The following FSBP variants were observed in gnomAD, a reference collection of about 807,000 sequenced individuals.
FSBP encodes the protein fibrinogen silencer-binding protein.
Under a neutral mutation model 24.6 loss-of-function variants are expected in FSBP, and 18 were observed. The ratio of observed to expected loss-of-function variants is 0.73; its 90% CI spans 0.51 to 1.08. The LOEUF (loss-of-function observed/expected upper bound fraction) is 1.08, where lower values mean the gene tolerates loss of function less well. FSBP is among the 50% of genes least tolerant of loss of function. The probability of loss-of-function intolerance (pLI) is 0.00; values close to 1 mark genes in which losing one functional copy is unlikely to be tolerated. For missense variants in FSBP, 305 were observed against 347.6 expected (o/e 0.88, Z 0.98); for synonymous variants, 110 against 125.8 (o/e 0.87, Z 0.84).
At position 94,429,390 on chromosome 8, in the gene FSBP, C is replaced by A; in HGVS notation, c.*2741G>T. 1 of 767,898 alleles carries A rather than the reference C, an allele frequency of 1.3e-6. No homozygotes were observed. Among genetic ancestry groups the A allele is most frequent in the Non-Finnish European group, 1.6e-6 (1 of 631,970 alleles). The allele number at this position is 767,898 out of a possible 1,614,324, so 47.6% of individuals were successfully genotyped here. On this transcript the variant is annotated 3_prime_UTR_variant, in exon 2 of 2. Coordinates refer to ENST00000481490, the MANE Select transcript of FSBP (RefSeq NM_001256141.2). ...CCAAAAATAAAAAAGATGTATACTGCACTTTTTTTTAACACAGATCTCTTT... is the reference window on the plus strand; with the variant it reads ...CCAAAAATAAAAAAGATGTATACTGAACTTTTTTTTAACACAGATCTCTTT...
At chr8:94,435,468 T>C (rs1285011303) in intron 1 of FSBP, among the ~76,000 whole-genome samples, 5 of 152,252 alleles carry the variant, frequency 3.3e-5, no homozygotes, top group Admixed American at 3.3e-4. Flanking sequence ...GCTTATATAA[T>C]GCCTCTTCCA....
chr8:94,434,854 A>G (rs1031481772), intron 1 of FSBP, among the ~76,000 whole-genome samples: 3 of 151,366 alleles, frequency 2.0e-5, no homozygotes, highest in African/African-American at 7.3e-5. Flanking sequence ...AAATCAACTC[A>G]TTTTTATCAG....
rs1416125913 is a variant in FSBP at position 94,429,614 on chromosome 8, C to A, written c.*2517G>T. ...GCTTACTACTGCCAAGATGTGTTTA[C>A]TAGAATTATACTGGGAAACATTACC... On this transcript the variant is annotated 3_prime_UTR_variant, in exon 2 of 2. Coordinates refer to ENST00000481490, the MANE Select transcript of FSBP (RefSeq NM_001256141.2). 2.0e-6 allele frequency: 2 copies of A among 983,368 alleles called. No homozygotes were observed. The highest frequency in any genetic ancestry group is 3.5e-5 in the African/African-American group (2 of 57,114). The allele number at this position is 983,368 out of a possible 1,614,324, so 60.9% of individuals were successfully genotyped here.
In FSBP at chr8:94,432,369, C is replaced by T. The variant is rs193096842; in HGVS notation, c.662G>A (p.Ser221Asn). The change falls in exon 2 of 2, where the codon AGT becomes AAT. Residue 221 changes from serine (S) to asparagine (N), a missense_variant. Coordinates refer to ENST00000481490, the MANE Select transcript of FSBP (RefSeq NM_001256141.2). Reference protein sequence around the residue: ...PRRDDFFRHESGEHFRSLLGY... With the variant: ...PRRDDFFRHENGEHFRSLLGY... The stretch of plus-strand genomic sequence containing the variant: ...TAATAGTGACCTAAAGTGTTCACCA[C>T]TCTCATGCCGAAAAAAATCATCTCT... 111 of 1,550,362 alleles carry T rather than the reference C, an allele frequency of 7.2e-5. 2 individuals are homozygous for T. In the Admixed American group the frequency reaches 2.1e-3, roughly 29 times the overall value.
At chr8:94,435,585 A>G (rs1812233093) in intron 1 of FSBP, among the ~76,000 whole-genome samples, 1 of 152,134 alleles carries the variant, frequency 6.6e-6, no homozygotes, top group African/African-American at 2.4e-5. Context: ...ATAAGAATGT[A>G]GCTGCCATTT....
In FSBP at chr8:94,429,815, A is replaced by ATTAC; in HGVS notation, c.*2315_*2316insGTAA. On this transcript the variant is annotated 3_prime_UTR_variant, in exon 2 of 2. Coordinates refer to ENST00000481490, the MANE Select transcript of FSBP (RefSeq NM_001256141.2). ...CCCTCTTTTTAATCCAACCAATGAAATTAAGTAGTCAACATGCTAAAATAG... is the reference window on the plus strand; with the variant it reads ...CCCTCTTTTTAATCCAACCAATGAAATTACTTAAGTAGTCAACATGCTAAAATAG... 1.0e-6 allele frequency: 1 copy of ATTAC among 985,412 alleles called. No homozygotes were observed. Among genetic ancestry groups the ATTAC allele is most frequent in the South Asian group, 4.7e-5 (1 of 21,284 alleles). The allele number at this position is 985,412 out of a possible 1,614,324, so 61.0% of individuals were successfully genotyped here. A position where few individuals can be genotyped will look rare whatever the true frequency, so the allele number is the denominator to read the frequency against.
Position 94,429,183 on chromosome 8 carries a change from T to G in FSBP, c.*2948A>C. 3.5e-6 allele frequency: 3 copies of G among 857,122 alleles called. No homozygotes were observed. Among genetic ancestry groups the G allele is most frequent in the Non-Finnish European group, 4.2e-6 (3 of 713,158 alleles). The allele number at this position is 857,122 out of a possible 1,614,324, so 53.1% of individuals were successfully genotyped here. A position where few individuals can be genotyped will look rare whatever the true frequency, so the allele number is the denominator to read the frequency against. On this transcript the variant is annotated 3_prime_UTR_variant, in exon 2 of 2. Transcript: ENST00000481490. ...TAGGTTTCTTATTGTATACAGCCCC[T>G]AAATGCTAATGAATTGTGTCACCTA...
At chr8:94,434,740 A>G (rs1012641599) in intron 1 of FSBP, among the ~76,000 whole-genome samples, 3 of 151,630 alleles carry the variant, frequency 2.0e-5, no homozygotes, top group Admixed American at 6.6e-5. Flanking sequence ...GAAAATGTCA[A>G]TGTAGACACA....
chr8:94,436,565 T>A lies in FSBP; in HGVS notation c.304A>T (p.Lys102Ter). The change falls in exon 1 of 2, where the codon AAG becomes TAG. Residue 102 changes from lysine (K) to a stop codon, truncating the protein, a stop_gained. Transcript: ENST00000481490. LOFTEE classifies it high-confidence loss of function. ...DFKSNISEPT[K>*]KVMEMIPQIS... ...TGGGGAATCATCTCCATAACTTTCT[T>A]GGTTGGCTCAGAAATATTGCTTTTA... 6.4e-7 allele frequency: 1 copy of A among 1,550,482 alleles called. No individual in the cohort carries two copies. The highest frequency in any genetic ancestry group is 8.7e-7 in the Non-Finnish European group (1 of 1,146,918).
chr8:94,436,223 C>T (rs1390124680), intron 1 of FSBP, among the ~76,000 whole-genome samples: 1 of 152,066 alleles, frequency 6.6e-6, no homozygotes, highest in Non-Finnish European at 1.5e-5. Context: ...GAAGTGATGT[C>T]ACAAATTTCA....
In FSBP at chr8:94,429,368, A is replaced by C; in HGVS notation, c.*2763T>G. Reference sequence around the variant, plus strand: ...CAATTATTTTAGAACCTAACCACCAAAAATAAAAAAGATGTATACTGCACT... The same window carrying C: ...CAATTATTTTAGAACCTAACCACCACAAATAAAAAAGATGTATACTGCACT... On this transcript the variant is annotated 3_prime_UTR_variant, in exon 2 of 2. Coordinates refer to ENST00000481490, the MANE Select transcript of FSBP (RefSeq NM_001256141.2). 1 of 673,098 alleles carries C rather than the reference A, an allele frequency of 1.5e-6. No homozygotes were observed. The highest frequency in any genetic ancestry group is 6.7e-5 in the South Asian group (1 of 14,960). The allele number at this position is 673,098 out of a possible 1,614,324, so 41.7% of individuals were successfully genotyped here.
chr8:94,428,422 T>C lies in FSBP; in HGVS notation c.*3709A>G. The C allele has an allele frequency of 1.7e-6, 1 of 584,306 alleles. No individual in the cohort carries two copies. Among genetic ancestry groups the C allele is most frequent in the Non-Finnish European group, 2.2e-6 (1 of 463,704 alleles). The allele number at this position is 584,306 out of a possible 1,614,324, so 36.2% of individuals were successfully genotyped here. Reference sequence around the variant, plus strand: ...CCCCTACCCCATCAAGATCCACAGATACTCAAGTCCCTTATATAAAATGTT... The same window carrying C: ...CCCCTACCCCATCAAGATCCACAGACACTCAAGTCCCTTATATAAAATGTT... On this transcript the variant is annotated 3_prime_UTR_variant, in exon 2 of 2. Coordinates refer to ENST00000481490, the MANE Select transcript of FSBP (RefSeq NM_001256141.2).
In FSBP at chr8:94,430,875, C is replaced by T; in HGVS notation, c.*1256G>A. 1 of 985,374 alleles carries T rather than the reference C, an allele frequency of 1.0e-6. No individual in the cohort carries two copies. Among genetic ancestry groups the T allele is most frequent in the Non-Finnish European group, 1.2e-6 (1 of 829,908 alleles). 61.0% of individuals were successfully genotyped at this position (985,374 alleles called of 1,614,324 possible). A position where few individuals can be genotyped will look rare whatever the true frequency, so the allele number is the denominator to read the frequency against. On this transcript the variant is annotated 3_prime_UTR_variant, in exon 2 of 2. Transcript: ENST00000481490. ...CTTCCTAGTCCAGGATACTACAGCC[C>T]AAATTGACTCTCTCTACATTCACTT...
At chr8:94,434,833 T>C (rs897870291) in intron 1 of FSBP, among the ~76,000 whole-genome samples, 1 of 151,658 alleles carries the variant, frequency 6.6e-6, no homozygotes. Flanking sequence ...GCCATAGGTA[T>C]AGAAATGTAC....
Position 94,431,139 on chromosome 8 carries a change from G to A in FSBP, c.*992C>T, listed in dbSNP as rs1225852657. The A allele has an allele frequency of 3.2e-6, 3 of 931,822 alleles. No individual in the cohort carries two copies. In the East Asian group the frequency reaches 3.5e-4, roughly 109 times the overall value. 57.7% of individuals were successfully genotyped at this position (931,822 alleles called of 1,614,324 possible). ...TAGAGATTTAATATAAATTTAATAT[G>A]TATGCTTTAAGAATTGAGGTTTTAT... On this transcript the variant is annotated 3_prime_UTR_variant, in exon 2 of 2. Coordinates refer to ENST00000481490, the MANE Select transcript of FSBP (RefSeq NM_001256141.2).
chr8:94,432,711 T>C lies in FSBP; in HGVS notation c.375-55A>G, dbSNP rs1348614056. The C allele has an allele frequency of 3.6e-6, 5 of 1,398,024 alleles. No homozygotes were observed. In the African/African-American group the frequency reaches 4.4e-5, roughly 12 times the overall value. The allele number at this position is 1,398,024 out of a possible 1,614,324, so 86.6% of individuals were successfully genotyped here. ...GTAAATCAAATGAAGAAAAAGTGTATATTTATAGCATAATTTTAATTTAAT... is the reference window on the plus strand; with the variant it reads ...GTAAATCAAATGAAGAAAAAGTGTACATTTATAGCATAATTTTAATTTAAT... On this transcript the variant is annotated intron_variant, in intron 1 of 1. Coordinates refer to ENST00000481490, the MANE Select transcript of FSBP (RefSeq NM_001256141.2).
chr8:94,436,267 A>T (rs1317244636), intron 1 of FSBP, among the ~76,000 whole-genome samples: 1 of 152,196 alleles, frequency 6.6e-6, no homozygotes, highest in Non-Finnish European at 1.5e-5. Flanking sequence ...TTACTTTTAG[A>T]AACTACAGGA....
rs565859252 is a variant in FSBP at position 94,430,243 on chromosome 8, G to A, written c.*1888C>T. ...GGAGAATCGCTTGAACCCAGGAAAC[G>A]GAGATTGCAGTGAGCCAACATCGCA... On this transcript the variant is annotated 3_prime_UTR_variant, in exon 2 of 2. Transcript: ENST00000481490. The A allele has an allele frequency of 1.7e-5, 13 of 785,146 alleles. No homozygotes were observed. The Admixed American group carries it at 5.7e-4, about 34-fold the overall frequency. 48.6% of individuals were successfully genotyped at this position (785,146 alleles called of 1,614,324 possible). A position where few individuals can be genotyped will look rare whatever the true frequency, so the allele number is the denominator to read the frequency against.
chr8:94,436,385 T>G, intron 1 of FSBP, 110 bp downstream of exon 1: 3 of 1,313,020 alleles, frequency 2.3e-6, no homozygotes, highest in Non-Finnish European at 3.0e-6. Context: ...ACACTATTCA[T>G]TGCTCCCGTT....
Sources: gnomAD v4.1 joint callset for allele counts (sites outside exome capture counted in the v4.1 genomes callset) on GRCh38, gnomAD v4.1.1 for gene constraint, MANE v1.5 for transcripts, NCBI Gene and HGNC (gene_info 2026-07-23, HGNC 2026-07-21) for gene names.